The following ARHGAP10 variants were observed in gnomAD, a reference collection of about 807,000 sequenced individuals.
The protein encoded by ARHGAP10 is rho GTPase-activating protein 10.
ARHGAP10 carries 87 observed loss-of-function variants against 108.6 expected under a neutral mutation model. The observed-to-expected ratio is 0.80, with a 90% confidence interval of 0.67 to 0.96. The LOEUF is 0.96. Ranked by LOEUF, ARHGAP10 falls within the 40% of genes least tolerant of loss-of-function variation. The pLI is 0.00. For synonymous variants in ARHGAP10, 347 were observed against 341.1 expected, an observed-to-expected ratio of 1.02 and a Z score of -0.19; for missense variants, 939 against 954.5, an observed-to-expected ratio of 0.98 and a Z score of 0.21.
In ARHGAP10 at chr4:147,732,130, C is replaced by T. The variant is rs1412067259; in HGVS notation, c.-172C>T. 1.1e-5 allele frequency: 5 copies of T among 461,994 alleles called. No homozygotes were observed. The highest frequency in any genetic ancestry group is 6.8e-6 in the Non-Finnish European group (2 of 295,534). 28.6% of individuals were successfully genotyped at this position (461,994 alleles called of 1,614,324 possible). On this transcript the variant is annotated 5_prime_UTR_variant, in exon 1 of 23. Coordinates refer to ENST00000336498, the MANE Select transcript of ARHGAP10 (RefSeq NM_024605.4). Reference sequence around the variant, plus strand: ...GCTGGTCTCGGTGGCAGCTCCTCCGCGCCGCAGGACTCGGCTCTACGGGAC... The same window carrying T: ...GCTGGTCTCGGTGGCAGCTCCTCCGTGCCGCAGGACTCGGCTCTACGGGAC...
At chr4:147,977,401 C>T (rs1280537975) in intron 18 of ARHGAP10, among the ~76,000 whole-genome samples, 2 of 152,086 alleles carry the variant, frequency 1.3e-5, no homozygotes, top group African/African-American at 2.4e-5. Context: ...AGCTAGTGCT[C>T]ACTATGTATT....
At chr4:147,851,130 A>T (rs547403832) in intron 4 of ARHGAP10, among the ~76,000 whole-genome samples, 1 of 152,232 alleles carries the variant, frequency 6.6e-6, no homozygotes, top group Non-Finnish European at 1.5e-5. Flanking sequence ...TTATAATTTT[A>T]TCCAAATAGA....
chr4:147,830,234 C>T (rs1057298834), intron 3 of ARHGAP10, among the ~76,000 whole-genome samples: 1 of 152,130 alleles, frequency 6.6e-6, no homozygotes, highest in Non-Finnish European at 1.5e-5. Context: ...GGTGACCTGC[C>T]CTGACCTTTT....
chr4:147,850,492 G>C (rs1474263324), intron 4 of ARHGAP10, among the ~76,000 whole-genome samples: 1 of 152,162 alleles, frequency 6.6e-6, no homozygotes, highest in African/African-American at 2.4e-5. Context: ...CCCAGCGGGA[G>C]GAACAGACAA....
At chr4:147,792,689 T>G (rs1731165777) in intron 1 of ARHGAP10, among the ~76,000 whole-genome samples, 1 of 138,006 alleles carries the variant, frequency 7.2e-6, no homozygotes, top group Non-Finnish European at 1.7e-5. Context: ...TTATCCAAGT[T>G]GTTGTGTTGG....
At chr4:147,920,053 C>T in intron 13 of ARHGAP10, among the ~76,000 whole-genome samples, 1 of 152,084 alleles carries the variant, frequency 6.6e-6, no homozygotes, top group South Asian at 2.1e-4. Flanking sequence ...AAGTGGGATA[C>T]ACCATTGTTA....
chr4:147,739,002 G>T (rs908593204), intron 1 of ARHGAP10, among the ~76,000 whole-genome samples: 2 of 151,370 alleles, frequency 1.3e-5, no homozygotes, highest in Non-Finnish European at 2.9e-5. Flanking sequence ...GGAGAACATG[G>T]TGAAACCCCA....
chr4:147,946,910 T>C (rs192849330), intron 15 of ARHGAP10, among the ~76,000 whole-genome samples: 45 of 152,272 alleles, frequency 3.0e-4, no homozygotes, highest in African/African-American at 1.1e-3. Flanking sequence ...AGAACAGAAA[T>C]TGACATAGAC....
chr4:147,979,304 T>C (rs1739720748), intron 18 of ARHGAP10, among the ~76,000 whole-genome samples: 1 of 152,202 alleles, frequency 6.6e-6, no homozygotes, highest in African/African-American at 2.4e-5. Flanking sequence ...ATTTATTGAA[T>C]AGGAAGTCCT....
intron 8 of ARHGAP10, among the ~76,000 whole-genome samples, chr4:147,878,093 C>T (rs568199972): frequency 3.6e-4 from 54 of 151,872 alleles, no homozygotes; most frequent in African/African-American, 1.2e-3. Context: ...CGCACCACCA[C>T]GCCCAGCTAA....
chr4:147,811,572 A>G (rs905243919), intron 1 of ARHGAP10, among the ~76,000 whole-genome samples: 1 of 140,992 alleles, frequency 7.1e-6, no homozygotes, highest in Non-Finnish European at 1.6e-5. Flanking sequence ...ATACTGACAA[A>G]TATGCAATGG....
At chr4:148,048,996 C>T (rs1729009257) in intron 20 of ARHGAP10, among the ~76,000 whole-genome samples, 1 of 149,084 alleles carries the variant, frequency 6.7e-6, no homozygotes, top group African/African-American at 2.5e-5. Flanking sequence ...TCTTCTATTT[C>T]AGAAACTTGA....
At chr4:147,780,689 A>C (rs886193901) in intron 1 of ARHGAP10, among the ~76,000 whole-genome samples, 1 of 152,124 alleles carries the variant, frequency 6.6e-6, no homozygotes, top group South Asian at 2.1e-4. Context: ...AGAAGGAAAT[A>C]CCCAGGTCAT....
chr4:147,771,193 A>G (rs1337393163), intron 1 of ARHGAP10, among the ~76,000 whole-genome samples: 1 of 152,326 alleles, frequency 6.6e-6, no homozygotes, highest in East Asian at 1.9e-4. Context: ...TAAACAGAAA[A>G]AAAGAATCCC....
At chr4:147,994,785 A>G (rs1376974960) in intron 18 of ARHGAP10, among the ~76,000 whole-genome samples, 1 of 152,216 alleles carries the variant, frequency 6.6e-6, no homozygotes, top group East Asian at 1.9e-4. Flanking sequence ...AAGGCTTCAA[A>G]TACTTGATTT....
intron 20 of ARHGAP10, among the ~76,000 whole-genome samples, chr4:148,061,280 G>A (rs1729609346): frequency 6.6e-6 from 1 of 152,088 alleles, no homozygotes; most frequent in South Asian, 2.1e-4. Flanking sequence ...AGAGCTGATG[G>A]GGGGTGTGGC....
intron 4 of ARHGAP10, among the ~76,000 whole-genome samples, chr4:147,856,729 T>C (rs1456489451): frequency 6.6e-6 from 1 of 152,202 alleles, no homozygotes; most frequent in East Asian, 1.9e-4. Flanking sequence ...CCACTTCTGG[T>C]TCTAAGCATT....
chr4:148,021,360 T>C (rs907068216), intron 18 of ARHGAP10, among the ~76,000 whole-genome samples: 13 of 152,212 alleles, frequency 8.5e-5, no homozygotes, highest in African/African-American at 3.1e-4. Context: ...TATGATCCTG[T>C]AAGAGGGTCT....
chr4:148,005,447 A>G (rs938965012), intron 18 of ARHGAP10, among the ~76,000 whole-genome samples: 4 of 152,204 alleles, frequency 2.6e-5, no homozygotes, highest in African/African-American at 9.6e-5. Flanking sequence ...AGAAATATAT[A>G]TACAATAGTG....
Sources: gnomAD v4.1 joint callset for allele counts (sites outside exome capture counted in the v4.1 genomes callset) on GRCh38, gnomAD v4.1.1 for gene constraint, MANE v1.5 for transcripts, NCBI Gene and HGNC (gene_info 2026-07-23, HGNC 2026-07-21) for gene names.